The following GALNT10 variants were observed in gnomAD, a reference collection of about 807,000 sequenced individuals.
GALNT10 encodes the protein polypeptide N-acetylgalactosaminyltransferase 10.
GALNT10 carries 41 observed loss-of-function variants against 75.0 expected under a neutral mutation model. The ratio of observed to expected loss-of-function variants is 0.55; its 90% CI spans 0.43 to 0.71. The LOEUF (loss-of-function observed/expected upper bound fraction) is 0.71, where lower values mean the gene tolerates loss of function less well. GALNT10 is among the 30% of genes least tolerant of loss of function. The probability of loss-of-function intolerance (pLI) is 0.00; values close to 1 mark genes in which losing one functional copy is unlikely to be tolerated. For missense variants in GALNT10, 727 were observed against 818.5 expected (o/e 0.89, Z 1.36); for synonymous variants, 302 against 313.0 (o/e 0.96, Z 0.37).
rs1756350850 is a variant in GALNT10 at position 154,409,526 on chromosome 5, C to T, written c.1165-15C>T. ...CTTGGAAAGACTGACCCCTCCATTG[C>T]TTCTTGCCCCATAGAACCTTAAGCG... On this transcript the variant is annotated splice_polypyrimidine_tract_variant and intron_variant, in intron 8 of 11. Coordinates refer to ENST00000297107, the MANE Select transcript of GALNT10 (RefSeq NM_198321.4). The surrounding 1 kb of genome is among the most constrained non-coding windows in gnomAD (Gnocchi z 4.5). 5 of 1,574,840 alleles carry T rather than the reference C, an allele frequency of 3.2e-6. No homozygotes were observed. The African/African-American group carries it at 5.4e-5, about 17-fold the overall frequency.
intron 9 of GALNT10, among the ~76,000 whole-genome samples, chr5:154,411,281 G>A (rs1165353237): frequency 1.3e-5 from 2 of 152,120 alleles, no homozygotes; most frequent in Non-Finnish European, 2.9e-5. Context: ...TGTTCCTTTT[G>A]TGTTGGCCTC....
At chr5:154,388,114 C>G (rs1017653770) in intron 7 of GALNT10, 2 of 151,966 alleles carry the variant, frequency 1.3e-5, no homozygotes, top group Non-Finnish European at 2.9e-5. Context: ...CTGGTCTTGA[C>G]CCCCTGACCT....
intron 3 of GALNT10, among the ~76,000 whole-genome samples, chr5:154,319,245 C>T (rs1157381675): frequency 6.6e-6 from 1 of 152,118 alleles, no homozygotes; most frequent in Non-Finnish European, 1.5e-5. Flanking sequence ...GTGCTTTATG[C>T]CATGTTGTAA....
At chr5:154,202,348 G>A (rs900514467) in intron 1 of GALNT10, among the ~76,000 whole-genome samples, 7 of 152,200 alleles carry the variant, frequency 4.6e-5, no homozygotes, top group Admixed American at 1.3e-4. Context: ...GCACAGCTCG[G>A]TGTGGTGGCC....
intron 1 of GALNT10, among the ~76,000 whole-genome samples, chr5:154,249,478 A>G (rs35561123): frequency 0.63 from 96,189 of 151,882 alleles, 31,101 homozygotes; most frequent in East Asian, 0.86. Flanking sequence ...ATGACAACAG[A>G]GTAGAATTCA....
At chr5:154,334,121 A>G (rs1482065932) in intron 4 of GALNT10, among the ~76,000 whole-genome samples, 1 of 152,244 alleles carries the variant, frequency 6.6e-6, no homozygotes, top group Non-Finnish European at 1.5e-5. Flanking sequence ...ACTGCCTAGG[A>G]GAAGGCATTT....
At chr5:154,215,176 T>C (rs1752846208) in intron 1 of GALNT10, among the ~76,000 whole-genome samples, 1 of 152,228 alleles carries the variant, frequency 6.6e-6, no homozygotes, top group African/African-American at 2.4e-5. Context: ...GTCCTCTCTA[T>C]AGTTGCCTTC....
chr5:154,195,016 C>G (rs1427970655), intron 1 of GALNT10, among the ~76,000 whole-genome samples: 3 of 152,174 alleles, frequency 2.0e-5, no homozygotes, highest in Non-Finnish European at 4.4e-5. Flanking sequence ...ATTTGAATGT[C>G]TTTTCTCAGG....
At chr5:154,263,901 T>C (rs1192600877) in intron 1 of GALNT10, among the ~76,000 whole-genome samples, 1 of 152,176 alleles carries the variant, frequency 6.6e-6, no homozygotes, top group Non-Finnish European at 1.5e-5. Flanking sequence ...CTTTTTAGGA[T>C]GATGAAAATA....
intron 3 of GALNT10, among the ~76,000 whole-genome samples, chr5:154,320,499 A>G (rs539793980): frequency 3.9e-5 from 6 of 152,302 alleles, no homozygotes; most frequent in East Asian, 3.9e-4. Flanking sequence ...CCCTGCTTCA[A>G]TCAAGCAAGC....
At chr5:154,403,890 T>C in intron 7 of GALNT10, 1 of 627,386 alleles carries the variant, frequency 1.6e-6, no homozygotes, top group African/African-American at 1.8e-5. Flanking sequence ...CATCTTAGCA[T>C]AGTGTGTGGC....
At chr5:154,338,047 C>T in intron 4 of GALNT10, 1 of 1,381,974 alleles carries the variant, frequency 7.2e-7, no homozygotes, top group Non-Finnish European at 1.0e-6. Context: ...TTTTTCCATA[C>T]TGTTCAAAAT....
chr5:154,340,299 T>G (rs796331444), intron 4 of GALNT10, among the ~76,000 whole-genome samples: 9 of 152,338 alleles, frequency 5.9e-5, no homozygotes, highest in African/African-American at 2.2e-4. Context: ...ACTTTCTATG[T>G]GCCAGGCACT....
At chr5:154,261,835 G>T (rs1753702951) in intron 1 of GALNT10, among the ~76,000 whole-genome samples, 1 of 152,122 alleles carries the variant, frequency 6.6e-6, no homozygotes, top group African/African-American at 2.4e-5. Flanking sequence ...GTGCCATCAG[G>T]GTCTAGCATA....
intron 4 of GALNT10, among the ~76,000 whole-genome samples, chr5:154,365,822 A>G (rs1379864415): frequency 1.3e-5 from 2 of 151,986 alleles, no homozygotes; most frequent in Non-Finnish European, 2.9e-5. Flanking sequence ...TATTTTGTTA[A>G]TGGAACATGT....
At chr5:154,192,622 G>A (rs1774875376) in intron 1 of GALNT10, among the ~76,000 whole-genome samples, 1 of 152,158 alleles carries the variant, frequency 6.6e-6, no homozygotes, top group African/African-American at 2.4e-5. Flanking sequence ...AACATTCTGT[G>A]ATACTATCAG....
chr5:154,371,351 C>T (rs1024635661), intron 4 of GALNT10, among the ~76,000 whole-genome samples: 2 of 152,142 alleles, frequency 1.3e-5, no homozygotes, highest in Non-Finnish European at 2.9e-5. Context: ...TTCACAACAA[C>T]CAGGGGTTAG....
intron 7 of GALNT10, chr5:154,392,292 G>A (rs1302837922): frequency 1.3e-5 from 2 of 152,220 alleles, no homozygotes; most frequent in Non-Finnish European, 2.9e-5. Flanking sequence ...ATGCTCCCTG[G>A]AGGCAGGGAG....
chr5:154,365,390 A>G (rs1755459924), intron 4 of GALNT10, among the ~76,000 whole-genome samples: 2 of 152,172 alleles, frequency 1.3e-5, no homozygotes, highest in Non-Finnish European at 2.9e-5. Flanking sequence ...CCAGCCACTC[A>G]TTTTCAGAAA....
Sources: gnomAD v4.1 joint callset for allele counts (sites outside exome capture counted in the v4.1 genomes callset) on GRCh38, gnomAD v4.1.1 for gene constraint, Gnocchi (gnomAD v3.1) non-coding constraint, MANE v1.5 for transcripts, NCBI Gene and HGNC (gene_info 2026-07-23, HGNC 2026-07-21) for gene names.